GRTP1: variants seen among roughly 807,000 people sequenced by gnomAD.
The protein encoded by GRTP1 is growth hormone-regulated TBC protein 1.
A neutral mutation model predicts 38.1 loss-of-function variants in GRTP1; 56 were observed. That is an observed-to-expected ratio of 1.47 (90% CI 1.19 to 1.84). The LOEUF is 1.84. Among genes scored for constraint, GRTP1 ranks in the 40% most tolerant of loss-of-function variants. The pLI is 0.00. For missense variants in GRTP1, 506 were observed against 453.9 expected (o/e 1.11, Z -1.04); for synonymous variants, 217 against 189.5 (o/e 1.14, Z -1.19).
At chr13:113,329,448 AG>A (rs556401722) in intron 5 of GRTP1, among the ~76,000 whole-genome samples, 1 of 151,068 alleles carries the variant, frequency 6.6e-6, no homozygotes, top group East Asian at 1.9e-4. Context: ...CGTGGTGGCC[AG>A]CACCTGTAAT....
chr13:113,355,535 C>T, intron 2 of GRTP1, 54 bp from the exon 3 acceptor site: 1 of 1,512,842 alleles, frequency 6.6e-7, no homozygotes. Context: ...CCTGCGGGGC[C>T]CACGCGTTCC....
rs183047837 is a variant in GRTP1 at position 113,334,056 on chromosome 13, A to T, written c.563-7965T>A. On this transcript the variant is annotated intron_variant, in intron 5 of 7. Transcript: ENST00000375431. ...CGCCATACTGGCCAAGCTGGTCCCG[A>T]ACTCCTGACCCCAGGTGATCTGCCC... is the stretch of plus-strand genomic sequence containing the variant. 3.9e-5 allele frequency among the ~76,000 whole-genome samples: 6 copies of T among 152,156 alleles called. No individual in the cohort carries two copies. In the East Asian group the frequency reaches 1.2e-3, roughly 29 times the overall value.
chr13:113,325,366 G>A, intron 7 of GRTP1: 2 of 1,426,850 alleles, frequency 1.4e-6, no homozygotes, highest in Non-Finnish European at 1.8e-6. Flanking sequence ...CAGTGGGGAG[G>A]CCGGGCCTCG....
rs2043047198 is a variant in GRTP1, at chr13:113,343,010, G to A, written c.562+1853C>T. Among the ~76,000 whole-genome samples the A allele has an allele frequency of 6.6e-6, 1 of 151,930 alleles. No individual in the cohort carries two copies. The highest frequency in any genetic ancestry group is 1.5e-5 in the Non-Finnish European group (1 of 67,980). ...TCTCACCTGCTGCTGCTTGAGGTCT[G>A]CCCTCCACAAAGACAGGAACTCGTG... On this transcript the variant is annotated intron_variant, in intron 5 of 7. Transcript: ENST00000375431. This position sits in a 1 kb window ranked among gnomAD's most constrained non-coding sequence, Gnocchi z 4.8.
intron 2 of GRTP1, among the ~76,000 whole-genome samples, chr13:113,363,075 G>A (rs1475547414): frequency 1.3e-5 from 2 of 152,208 alleles, no homozygotes; most frequent in Non-Finnish European, 1.5e-5. Flanking sequence ...GGTGCCCTCC[G>A]CACAGGGAAG....
intron 2 of GRTP1, among the ~76,000 whole-genome samples, chr13:113,357,753 AACAGCAGGAGAC>A (rs1184259259): frequency 1.3e-5 from 2 of 152,224 alleles, no homozygotes; most frequent in African/African-American, 4.8e-5. Context: ...TGTGCTATAC[AACAGCAGGAGAC>A]GGTGAGTCCC....
At chr13:113,357,093 C>CGT (rs2043404347) in intron 2 of GRTP1, among the ~76,000 whole-genome samples, 1 of 20,950 alleles carries the variant, frequency 4.8e-5, no homozygotes. Flanking sequence ...GGGCAGATCA[C>CGT]GAGGTCAAGA....
chr13:113,334,280 A>ACTGGCTCCCCCCCCCCCCCCTCCCGCC (rs1202504022), intron 5 of GRTP1, among the ~76,000 whole-genome samples: 1 of 142,482 alleles, frequency 7.0e-6, no homozygotes, highest in Admixed American at 7.3e-5. Flanking sequence ...CACTGCCACG[A>ACTGGCTCCCCCCCCCCCCCCTCCCGCC]CAGCCTCCCG....
intron 5 of GRTP1, among the ~76,000 whole-genome samples, chr13:113,338,096 C>T (rs2042978656): frequency 6.6e-6 from 1 of 152,228 alleles, no homozygotes; most frequent in South Asian, 2.1e-4. Context: ...CGAGACAGGG[C>T]CCCCTCCACC....
intron 4 of GRTP1, among the ~76,000 whole-genome samples, chr13:113,347,927 TGGGAGGACCTCTGAGGCC>T (rs1566433399): frequency 2.6e-4 from 27 of 104,502 alleles, no homozygotes; most frequent in African/African-American, 9.5e-4. Context: ...AGAACGGACC[TGGGAGGACCTCTGAGGCC>T]GAGAGCGGAC....
At position 113,325,985 on chromosome 13, in the gene GRTP1, A is replaced by G. The variant is rs2042760422; in HGVS notation, c.669T>C (p.Gly223=). Residue 223 remains glycine, a synonymous_variant, in exon 6 of 8, where the codon GGT becomes GGC. Coordinates refer to ENST00000375431, the MANE Select transcript of GRTP1 (RefSeq NM_024719.4). ...PAVGALMERL[G]VLWTLLVSRW... ...GGGACACCAGCAGCGTCCACAGCAC[A>G]CCGAGACGCTCCATCAGGGCCCCCA... 9 of 1,613,866 alleles carry G rather than the reference A, an allele frequency of 5.6e-6. No individual in the cohort carries two copies. The highest frequency in any genetic ancestry group is 4.5e-5 in the East Asian group (2 of 44,838).
chr13:113,358,364 T>G (rs916476277), intron 2 of GRTP1, among the ~76,000 whole-genome samples: 1 of 152,234 alleles, frequency 6.6e-6, no homozygotes. Context: ...GTTCACAGAT[T>G]GCAAGGCTCA....
At chr13:113,330,317 T>G (rs1406641492) in intron 5 of GRTP1, among the ~76,000 whole-genome samples, 2 of 92,650 alleles carry the variant, frequency 2.2e-5, no homozygotes, top group African/African-American at 4.6e-5. Flanking sequence ...GGAGCCCAGG[T>G]GCGTGGATGG....
In GRTP1 at chr13:113,343,898, C is replaced by T. The variant is rs926454229; in HGVS notation, c.562+965G>A. On this transcript the variant is annotated intron_variant, in intron 5 of 7. Transcript: ENST00000375431. This position sits in a 1 kb window ranked among gnomAD's most constrained non-coding sequence, Gnocchi z 4.8. ...AGTGGTCTCAGCCCCAGGCCCTGCCCACCCGACTGATCCTCAGCTTCTCTT... is the reference window on the plus strand; with the variant it reads ...AGTGGTCTCAGCCCCAGGCCCTGCCTACCCGACTGATCCTCAGCTTCTCTT... Among the ~76,000 whole-genome samples, 2 of 152,224 alleles carry T rather than the reference C, an allele frequency of 1.3e-5. No individual in the cohort carries two copies. The highest frequency in any genetic ancestry group is 4.8e-5 in the African/African-American group (2 of 41,458).
chr13:113,348,899 C>A lies in GRTP1; in HGVS notation c.465+1950G>T, dbSNP rs2043214736. On this transcript the variant is annotated intron_variant, in intron 4 of 7. Transcript: ENST00000375431. The surrounding 1 kb of genome is among the most constrained non-coding windows in gnomAD (Gnocchi z 4.8). ...AGAGAGAATTCGTTTCCACTGTTTACCAGGCTGTGGCATTTCCTTAGGGGC... is the reference window on the plus strand; with the variant it reads ...AGAGAGAATTCGTTTCCACTGTTTAACAGGCTGTGGCATTTCCTTAGGGGC... 6.6e-6 allele frequency among the ~76,000 whole-genome samples: 1 copy of A among 152,182 alleles called. No homozygotes were observed. Among genetic ancestry groups the A allele is most frequent in the African/African-American group, 2.4e-5 (1 of 41,446 alleles).
At chr13:113,333,877 G>A (rs1160511967) in intron 5 of GRTP1, among the ~76,000 whole-genome samples, 1 of 141,098 alleles carries the variant, frequency 7.1e-6, no homozygotes, top group South Asian at 2.3e-4. Context: ...GTGTGTGTCC[G>A]AGGCTGGAGT....
At chr13:113,325,595 G>A (rs1199971431) in intron 7 of GRTP1, 66 bp downstream of exon 7, 13 of 1,611,698 alleles carry the variant, frequency 8.1e-6, no homozygotes, top group Non-Finnish European at 1.0e-5. Context: ...GGTCAGAGCA[G>A]CCCCCGGGCT....
At chr13:113,344,022 A>C (rs1207397475) in intron 5 of GRTP1, among the ~76,000 whole-genome samples, 6 of 152,256 alleles carry the variant, frequency 3.9e-5, no homozygotes, top group Non-Finnish European at 2.9e-5. Flanking sequence ...TTATTAAATA[A>C]TTAAACATTA....
intron 3 of GRTP1, among the ~76,000 whole-genome samples, chr13:113,354,192 C>T (rs888848523): frequency 1.3e-5 from 2 of 152,230 alleles, no homozygotes; most frequent in African/African-American, 4.8e-5. Context: ...CTCCTCTTCC[C>T]ACCCTGAATC....
Sources: allele counts gnomAD v4.1 joint callset (sites outside exome capture counted in the v4.1 genomes callset), GRCh38; gene constraint gnomAD v4.1.1; non-coding constraint Gnocchi (gnomAD v3.1); transcripts MANE v1.5; gene names NCBI Gene and HGNC (gene_info 2026-07-23, HGNC 2026-07-21).